SCAND3: variants seen among roughly 807,000 people sequenced by gnomAD.
SCAND3 encodes SCAN domain containing 3.
At chr6:28,574,568 C>T in the SCAND3 span, 1 of 1,319,924 alleles carries the variant, frequency 7.6e-7, no homozygotes. Flanking sequence ...TATACCTTGT[C>T]ACACAACACT....
the SCAND3 span, chr6:28,579,442 G>A: frequency 6.3e-7 from 1 of 1,594,374 alleles, no homozygotes; most frequent in Non-Finnish European, 8.5e-7. This position sits in a 1 kb window ranked among gnomAD's most constrained non-coding sequence, Gnocchi z 4.5. Flanking sequence ...AGGTGCATTT[G>A]GTAAACAATA....
At chr6:28,580,765 TG>T in the SCAND3 span, among the ~76,000 whole-genome samples, 1 of 152,106 alleles carries the variant, frequency 6.6e-6, no homozygotes, top group African/African-American at 2.4e-5. Flanking sequence ...TATGGTTCAT[TG>T]TGCTGAATTA....
chr6:28,574,944 C>A, the SCAND3 span: 1 of 1,613,752 alleles, frequency 6.2e-7, no homozygotes, highest in East Asian at 2.2e-5. Context: ...TTTCAGCCAC[C>A]TTAGGAGTGA....
the SCAND3 span, among the ~76,000 whole-genome samples, chr6:28,584,615 A>G: frequency 6.6e-6 from 1 of 152,224 alleles, no homozygotes; most frequent in Non-Finnish European, 1.5e-5. Context: ...GAGTACTTCC[A>G]GTCCTGCTTA....
At chr6:28,598,804 G>A in the SCAND3 span, among the ~76,000 whole-genome samples, 1 of 144,400 alleles carries the variant, frequency 6.9e-6, no homozygotes, top group Non-Finnish European at 1.5e-5. Flanking sequence ...TTGAACTCAG[G>A]AAGTGGAAGT....
chr6:28,577,775 T>C, the SCAND3 span, among the ~76,000 whole-genome samples: 2 of 152,050 alleles, frequency 1.3e-5, no homozygotes, highest in South Asian at 4.1e-4. Flanking sequence ...AGAGCTAACC[T>C]TTTTTTCTGC....
At chr6:28,575,678 T>C in the SCAND3 span, 1 of 1,614,180 alleles carries the variant, frequency 6.2e-7, no homozygotes, top group Non-Finnish European at 8.5e-7. The surrounding 1 kb of genome is among the most constrained non-coding windows in gnomAD (Gnocchi z 4.2). Flanking sequence ...AGATACAGCA[T>C]TATAACTTCT....
At chr6:28,606,006 A>G in the SCAND3 span, among the ~76,000 whole-genome samples, 1 of 152,238 alleles carries the variant, frequency 6.6e-6, no homozygotes, top group African/African-American at 2.4e-5. Flanking sequence ...CCTATATGAG[A>G]GGAAAACATC....
the SCAND3 span, chr6:28,574,517 T>C: frequency 2.4e-6 from 2 of 824,422 alleles, no homozygotes; most frequent in Non-Finnish European, 3.9e-6. Context: ...TTAGGCCTTC[T>C]TTGGGGGAAA....
chr6:28,602,916 G>T, the SCAND3 span, among the ~76,000 whole-genome samples: 3 of 148,016 alleles, frequency 2.0e-5, no homozygotes, highest in Admixed American at 6.7e-5. Context: ...CTGTATTGCT[G>T]CTACTTTGGG....
the SCAND3 span, among the ~76,000 whole-genome samples, chr6:28,609,744 T>G: frequency 6.6e-6 from 1 of 152,180 alleles, no homozygotes; most frequent in Admixed American, 6.5e-5. Context: ...TAAAGTAAAG[T>G]AGAACATACC....
the SCAND3 span, among the ~76,000 whole-genome samples, chr6:28,612,846 T>A: frequency 6.6e-6 from 1 of 152,180 alleles, no homozygotes; most frequent in Non-Finnish European, 1.5e-5. Flanking sequence ...TTCCCACTCC[T>A]CTCCACCACA....
chr6:28,575,916 C>T, the SCAND3 span: 33 of 1,613,762 alleles, frequency 2.0e-5, no homozygotes, highest in Admixed American at 5.0e-5. This position sits in a 1 kb window ranked among gnomAD's most constrained non-coding sequence, Gnocchi z 4.2. Context: ...ATTCCTTTTT[C>T]GCCTTAGCTT....
chr6:28,576,596 T>G, the SCAND3 span, among the ~76,000 whole-genome samples: 1 of 151,952 alleles, frequency 6.6e-6, no homozygotes, highest in Non-Finnish European at 1.5e-5. Context: ...GGAATCCAAC[T>G]TTGGTGGAAT....
chr6:28,600,173 C>T, the SCAND3 span, among the ~76,000 whole-genome samples: 2 of 151,776 alleles, frequency 1.3e-5, no homozygotes, highest in Admixed American at 6.6e-5. Context: ...TGAAATACAC[C>T]GTTAAGGGAA....
chr6:28,605,787 A>C, the SCAND3 span, among the ~76,000 whole-genome samples: 1 of 152,186 alleles, frequency 6.6e-6, no homozygotes, highest in Non-Finnish European at 1.5e-5. Flanking sequence ...CGGAGGTTGC[A>C]GTGAGCCGAG....
the SCAND3 span, among the ~76,000 whole-genome samples, chr6:28,582,405 C>CTA: frequency 4.6e-5 from 7 of 152,022 alleles, no homozygotes; most frequent in Non-Finnish European, 1.0e-4. This position sits in a 1 kb window ranked among gnomAD's most constrained non-coding sequence, Gnocchi z 4.8. Context: ...GGGAAAAAAA[C>CTA]TACAGTATTT....
the SCAND3 span, among the ~76,000 whole-genome samples, chr6:28,596,647 C>T: frequency 2.0e-5 from 3 of 151,982 alleles, no homozygotes; most frequent in Non-Finnish European, 4.4e-5. Context: ...CCAAGGCCCA[C>T]GATGGAAATC....
At chr6:28,614,615 T>A in the SCAND3 span, among the ~76,000 whole-genome samples, 9 of 144,954 alleles carry the variant, frequency 6.2e-5, no homozygotes, top group African/African-American at 2.3e-4. Context: ...CAGGCATGCA[T>A]CACCACACCC....
Sources: allele counts gnomAD v4.1 joint callset (sites outside exome capture counted in the v4.1 genomes callset), GRCh38; gene constraint gnomAD v4.1.1; non-coding constraint Gnocchi (gnomAD v3.1); transcripts MANE v1.5; gene names NCBI Gene and HGNC (gene_info 2026-07-23, HGNC 2026-07-21).